Variants in UBE2W observed in about 807,000 individuals in gnomAD.
The protein encoded by UBE2W is ubiquitin conjugating enzyme E2 W.
Under a neutral mutation model 27.2 loss-of-function variants are expected in UBE2W, and 18 were observed. The ratio of observed to expected loss-of-function variants is 0.66; its 90% CI spans 0.46 to 0.98. The LOEUF (loss-of-function observed/expected upper bound fraction) is 0.98. UBE2W is among the 50% of genes least tolerant of loss of function. The pLI is 0.00. For synonymous variants in UBE2W, 53 were observed against 57.2 expected (o/e 0.93, Z 0.33); for missense variants, 90 against 180.2 (o/e 0.50, Z 2.87).
intron 1 of UBE2W, among the ~76,000 whole-genome samples, chr8:73,847,433 C>CT (rs968783703): frequency 3.3e-5 from 5 of 151,860 alleles, no homozygotes; most frequent in Non-Finnish European, 5.9e-5. Context: ...AAACTACTTG[C>CT]TTTTTTTTGT....
downstream of UBE2W, among the ~76,000 whole-genome samples, chr8:73,784,911 T>C (rs74582773): frequency 3.5e-3 from 531 of 152,204 alleles, 5 homozygotes; most frequent in African/African-American, 0.012. Context: ...CAAAAGCAAC[T>C]CTTAGTTGCT....
chr8:73,876,954 C>T (rs895802958), intron 1 of UBE2W, among the ~76,000 whole-genome samples: 21 of 151,898 alleles, frequency 1.4e-4, no homozygotes, highest in African/African-American at 4.1e-4. Flanking sequence ...GCAACAAGAG[C>T]GAAACTCCAT....
chr8:73,818,396 C>A (rs191631134), intron 3 of UBE2W, among the ~76,000 whole-genome samples: 1 of 152,316 alleles, frequency 6.6e-6, no homozygotes, highest in African/African-American at 2.4e-5. Flanking sequence ...CACCTTTATG[C>A]CCTGAACGGT....
chr8:73,797,558 A>T (rs1808473894), intron 5 of UBE2W, among the ~76,000 whole-genome samples: 1 of 152,246 alleles, frequency 6.6e-6, no homozygotes, highest in Admixed American at 6.5e-5. Context: ...CAAATAAAAA[A>T]GTTCACAACA....
At chr8:73,820,915 C>A (rs1055739860) in intron 3 of UBE2W, among the ~76,000 whole-genome samples, 1 of 152,110 alleles carries the variant, frequency 6.6e-6, no homozygotes, top group Non-Finnish European at 1.5e-5. Context: ...TACACCACAG[C>A]ATAGGTAGAT....
chr8:73,789,197 A>G lies in UBE2W; in HGVS notation c.*4905T>C, dbSNP rs995165725. On this transcript the variant is annotated 3_prime_UTR_variant, in exon 6 of 6. Transcript: ENST00000602593. ...TCTTAAATCGGCAAACAGACGAGGC[A>G]TGGTGGCTTGCACCTGTAATCCCAG... The G allele has an allele frequency of 1.6e-5, 16 of 983,724 alleles. No homozygotes were observed. The highest frequency in any genetic ancestry group is 5.2e-4 in the Middle Eastern group (1 of 1,934). 60.9% of individuals were successfully genotyped at this position (983,724 alleles called of 1,614,324 possible).
At position 73,806,310 on chromosome 8, in the gene UBE2W, G is replaced by A. The variant is rs984158899; in HGVS notation, c.367-584C>T. On this transcript the variant is annotated intron_variant, in intron 4 of 5. Transcript: ENST00000602593. Reference sequence around the variant, plus strand: ...GAAGGCTGAAGCAGGAGAATTGCTTGAACCCAGAAGGTGGAGGTTGCAGTG... The same window carrying A: ...GAAGGCTGAAGCAGGAGAATTGCTTAAACCCAGAAGGTGGAGGTTGCAGTG... 6.6e-5 allele frequency among the ~76,000 whole-genome samples: 10 copies of A among 152,204 alleles called. No individual in the cohort carries two copies. In the East Asian group the frequency reaches 1.4e-3, roughly 21 times the overall value.
chr8:73,793,447 G>A lies in UBE2W; in HGVS notation c.*655C>T. 3.0e-6 allele frequency: 3 copies of A among 985,756 alleles called. No individual in the cohort carries two copies. Among genetic ancestry groups the A allele is most frequent in the Non-Finnish European group, 3.6e-6 (3 of 829,880 alleles). 61.1% of individuals were successfully genotyped at this position (985,756 alleles called of 1,614,324 possible). A position where few individuals can be genotyped will look rare whatever the true frequency, so the allele number is the denominator to read the frequency against. On this transcript the variant is annotated 3_prime_UTR_variant, in exon 6 of 6. Coordinates refer to ENST00000602593, the MANE Select transcript of UBE2W (RefSeq NM_018299.6). ...TAACATACTGTACCTCTCTGCCAAT[G>A]TTACTTGAAAATCTTCCATGTCAAA...
intron 3 of UBE2W, among the ~76,000 whole-genome samples, chr8:73,819,052 T>A (rs1412810229): frequency 6.6e-6 from 1 of 152,222 alleles, no homozygotes; most frequent in Non-Finnish European, 1.5e-5. Flanking sequence ...CCGTCCTACA[T>A]ATTCCAGATT....
At chr8:73,824,612 T>C (rs1428534450) in intron 3 of UBE2W, among the ~76,000 whole-genome samples, 2 of 152,130 alleles carry the variant, frequency 1.3e-5, no homozygotes, top group Non-Finnish European at 2.9e-5. Context: ...TTTCCATGGA[T>C]GGGGTTGGGG....
At chr8:73,854,157 A>G (rs1421870873) in intron 1 of UBE2W, among the ~76,000 whole-genome samples, 2 of 152,158 alleles carry the variant, frequency 1.3e-5, no homozygotes, top group African/African-American at 4.8e-5. Context: ...TCAAAAAAGA[A>G]AGAAAGAAAG....
At chr8:73,876,839 T>C (rs904148182) in intron 1 of UBE2W, among the ~76,000 whole-genome samples, 4 of 152,102 alleles carry the variant, frequency 2.6e-5, no homozygotes, top group Non-Finnish European at 5.9e-5. Flanking sequence ...TGGTGGTTCA[T>C]GCCTGTAATC....
Position 73,788,503 on chromosome 8 carries a change from C to A in UBE2W, c.*5599G>T, listed in dbSNP as rs1808057130. 2.0e-6 allele frequency: 2 copies of A among 985,424 alleles called. No homozygotes were observed. The highest frequency in any genetic ancestry group is 5.2e-4 in the Middle Eastern group (1 of 1,914). 61.0% of individuals were successfully genotyped at this position (985,424 alleles called of 1,614,324 possible). A position where few individuals can be genotyped will look rare whatever the true frequency, so the allele number is the denominator to read the frequency against. On this transcript the variant is annotated 3_prime_UTR_variant, in exon 6 of 6. Transcript: ENST00000602593. ...ATCCATTTTACCTTGAACCTGACCA[C>A]CAATTTGCCTTTACATAAACAATCT...
At chr8:73,837,445 G>A (rs908339913) in intron 1 of UBE2W, among the ~76,000 whole-genome samples, 4 of 152,218 alleles carry the variant, frequency 2.6e-5, no homozygotes, top group Middle Eastern at 3.4e-3. Flanking sequence ...CCCAGAAGGC[G>A]GAGGTTCCAG....
intron 1 of UBE2W, among the ~76,000 whole-genome samples, chr8:73,870,462 T>C (rs1240775808): frequency 1.3e-5 from 2 of 151,846 alleles, no homozygotes; most frequent in African/African-American, 4.8e-5. Context: ...AAAAGATAAT[T>C]CACCAATTCC....
chr8:73,793,322 A>G lies in UBE2W; in HGVS notation c.*780T>C. The G allele has an allele frequency of 1.0e-6, 1 of 985,850 alleles. No individual in the cohort carries two copies. Among genetic ancestry groups the G allele is most frequent in the Non-Finnish European group, 1.2e-6 (1 of 829,904 alleles). 61.1% of individuals were successfully genotyped at this position (985,850 alleles called of 1,614,324 possible). A position where few individuals can be genotyped will look rare whatever the true frequency, so the allele number is the denominator to read the frequency against. Reference sequence around the variant, plus strand: ...CTGCCATTTTTCTTACTTCCAAAATAAAGCCTTGATTAAACCATTCATACC... The same window carrying G: ...CTGCCATTTTTCTTACTTCCAAAATGAAGCCTTGATTAAACCATTCATACC... On this transcript the variant is annotated 3_prime_UTR_variant, in exon 6 of 6. Coordinates refer to ENST00000602593, the MANE Select transcript of UBE2W (RefSeq NM_018299.6).
chr8:73,804,628 C>T (rs1808792423), intron 5 of UBE2W, among the ~76,000 whole-genome samples: 2 of 151,862 alleles, frequency 1.3e-5, no homozygotes, highest in African/African-American at 4.8e-5. Context: ...TACTGTGACT[C>T]CCGCCTCCTC....
chr8:73,808,297 G>A (rs1809006315), intron 4 of UBE2W, among the ~76,000 whole-genome samples: 2 of 152,122 alleles, frequency 1.3e-5, no homozygotes, highest in South Asian at 2.1e-4. Context: ...GTGCAGTGGC[G>A]TGATATCAGC....
chr8:73,862,176 T>A (rs1376918493), intron 1 of UBE2W, among the ~76,000 whole-genome samples: 2 of 152,190 alleles, frequency 1.3e-5, no homozygotes, highest in Non-Finnish European at 2.9e-5. Context: ...ATGCCTGTAA[T>A]CCTAGCACTT....
Sources: allele counts gnomAD v4.1 joint callset (sites outside exome capture counted in the v4.1 genomes callset), GRCh38; gene constraint gnomAD v4.1.1; transcripts MANE v1.5; gene names NCBI Gene and HGNC (gene_info 2026-07-23, HGNC 2026-07-21).